ZNF532: variants seen among roughly 807,000 people sequenced by gnomAD.
ZNF532 encodes zinc finger protein 532.
In ZNF532, 22 loss-of-function variants were observed where a neutral mutation model predicts 89.3. The observed-to-expected ratio is 0.25, with a 90% CI of 0.18 to 0.35. The LOEUF (loss-of-function observed/expected upper bound fraction) is 0.35. Ranked by LOEUF, ZNF532 falls within the 10% of genes least tolerant of loss-of-function variation. ZNF532 has a pLI of 1.00. For missense variants in ZNF532, 1,132 were observed against 1,643.4 expected, an observed-to-expected ratio of 0.69 and a Z score of 5.38; for synonymous variants, 606 against 649.6, an observed-to-expected ratio of 0.93 and a Z score of 1.02.
At chr18:58,981,688 T>C in intron 9 of ZNF532, 71 bp downstream of exon 9, 3 of 1,580,784 alleles carry the variant, frequency 1.9e-6, no homozygotes, top group Non-Finnish European at 2.6e-6. Flanking sequence ...TTTTTTTCCT[T>C]TCAAGTTTTT....
chr18:58,880,763 C>CTGTGTGTGTGTGT lies in ZNF532; in HGVS notation c.-18+15184_-18+15185insTGTGTGTGTGTGT, dbSNP rs770638520. On this transcript the variant is annotated intron_variant, in intron 2 of 9. Transcript: ENST00000591808. The stretch of plus-strand genomic sequence containing the variant: ...GAGCCCTCTCATAGGCGCGCGCGCA[C>CTGTGTGTGTGTGT]GCGCGCGCGTCTGTGTGTGTGTGTG... 5.2e-3 allele frequency among the ~76,000 whole-genome samples: 621 copies of CTGTGTGTGTGTGT among 119,668 alleles called. 23 individuals carry two copies. Among genetic ancestry groups the CTGTGTGTGTGTGT allele is most frequent in the Middle Eastern group, 0.036 (9 of 252 alleles). The allele number at this position is 119,668 out of a possible 152,430, so 78.5% of individuals were successfully genotyped here. A position where few individuals can be genotyped will look rare whatever the true frequency, so the allele number is the denominator to read the frequency against.
At chr18:58,956,673 C>T (rs1374570062) in intron 7 of ZNF532, among the ~76,000 whole-genome samples, 1 of 152,170 alleles carries the variant, frequency 6.6e-6, no homozygotes, top group African/African-American at 2.4e-5. Context: ...CTGGGCTTGC[C>T]ACCTTATCAC....
At chr18:58,925,371 T>C (rs1005660130) in intron 3 of ZNF532, among the ~76,000 whole-genome samples, 3 of 152,236 alleles carry the variant, frequency 2.0e-5, no homozygotes, top group Admixed American at 6.5e-5. Flanking sequence ...GCTAATGATG[T>C]TGAACACCTT....
In ZNF532 at chr18:58,888,868, AATATATATT is replaced by A. The variant is rs1295093788; in HGVS notation, c.-18+23298_-18+23306del. On this transcript the variant is annotated intron_variant, in intron 2 of 9. Coordinates refer to ENST00000591808, the MANE Select transcript of ZNF532 (RefSeq NM_001375912.1). The stretch of plus-strand genomic sequence containing the variant: ...ATATATATATAATTTATATATATAT[AATATATATT>A]ATATATATATATTTTATATATATAT... Among the ~76,000 whole-genome samples, 2 of 42,238 alleles carry A rather than the reference AATATATATT, an allele frequency of 4.7e-5. 1 individual carries two copies. Among genetic ancestry groups the A allele is most frequent in the South Asian group, 1.4e-3 (2 of 1,474 alleles). The allele number at this position is 42,238 out of a possible 152,430, so 27.7% of individuals were successfully genotyped here. A position where few individuals can be genotyped will look rare whatever the true frequency, so the allele number is the denominator to read the frequency against.
At chr18:58,973,798 T>C (rs925269229) in intron 7 of ZNF532, among the ~76,000 whole-genome samples, 4 of 152,090 alleles carry the variant, frequency 2.6e-5, no homozygotes, top group African/African-American at 9.7e-5. Flanking sequence ...GGAACACTAG[T>C]CAGCAGAGAA....
In ZNF532 at chr18:58,903,054, C is replaced by A. The variant is rs553298819; in HGVS notation, c.-17-15217C>A. Among the ~76,000 whole-genome samples the A allele has an allele frequency of 2.0e-5, 3 of 152,224 alleles. No individual in the cohort carries two copies. The South Asian group carries it at 6.2e-4, about 32-fold the overall frequency. The stretch of plus-strand genomic sequence containing the variant: ...TAGAAAAAATAAAGGAAGAAAATAG[C>A]CTTTTAATGTCTGTGTGCTTGGCAC... On this transcript the variant is annotated intron_variant, in intron 2 of 9. Coordinates refer to ENST00000591808, the MANE Select transcript of ZNF532 (RefSeq NM_001375912.1).
chr18:58,877,017 A>C (rs1384948743), intron 2 of ZNF532, among the ~76,000 whole-genome samples: 1 of 152,110 alleles, frequency 6.6e-6, no homozygotes, highest in Non-Finnish European at 1.5e-5. Flanking sequence ...CTAGGATCAC[A>C]CTACTGCACT....
intron 7 of ZNF532, among the ~76,000 whole-genome samples, chr18:58,970,973 C>T (rs1361035673): frequency 6.6e-6 from 1 of 152,196 alleles, no homozygotes. Context: ...TCTGACATTG[C>T]CCTAAGCTCA....
rs149050559 is a variant in ZNF532, at chr18:58,982,281, G to C, written c.3411+664G>C. Among the ~76,000 whole-genome samples the C allele has an allele frequency of 3.4e-3, 522 of 152,220 alleles. 5 individuals carry two copies. Among genetic ancestry groups the C allele is most frequent in the African/African-American group, 0.012 (488 of 41,540 alleles). On this transcript the variant is annotated intron_variant, in intron 9 of 9. Transcript: ENST00000591808. ...ATAAAGCCATTGCACCCAAACCTGG[G>C]GGACAAGAGCAGGACTTTTTTTGTT... is the stretch of plus-strand genomic sequence containing the variant.
chr18:58,878,611 G>T (rs1412632840), intron 2 of ZNF532, among the ~76,000 whole-genome samples: 1 of 152,244 alleles, frequency 6.6e-6, no homozygotes, highest in Non-Finnish European at 1.5e-5. Flanking sequence ...GTGACTAAGG[G>T]CCCCCGTGGC....
At chr18:58,940,854 C>G (rs4940776) in intron 5 of ZNF532, among the ~76,000 whole-genome samples, 83,927 of 146,640 alleles carry the variant, frequency 0.57, 23,833 homozygotes, top group African/African-American at 0.68. Flanking sequence ...AAATCTGTTG[C>G]TGTGTTTTTG....
intron 4 of ZNF532, among the ~76,000 whole-genome samples, 160 bp downstream of exon 4, chr18:58,934,774 A>G (rs2062235452): frequency 1.3e-5 from 2 of 152,084 alleles, no homozygotes. Flanking sequence ...ATCTGTTTGA[A>G]TCCTCTTAAT....
chr18:58,869,964 C>T (rs2056836473), intron 2 of ZNF532, among the ~76,000 whole-genome samples: 1 of 150,986 alleles, frequency 6.6e-6, no homozygotes, highest in Non-Finnish European at 1.5e-5. Context: ...GATGGGGCTT[C>T]ACCATGTTGG....
rs772460348 is a variant in ZNF532 at position 58,941,865 on chromosome 18, TTTTC to T, written c.2705+2253_2705+2256del. ...CCTCACCTCCCTTCCTCTTTCTTTC[TTTTC>T]TTTCTTTCCATCTTTCTTCCTTCCT... On this transcript the variant is annotated intron_variant, in intron 5 of 9. Transcript: ENST00000591808. Among the ~76,000 whole-genome samples, 229 of 149,684 alleles carry T rather than the reference TTTTC, an allele frequency of 1.5e-3. 1 individual carries two copies. Among genetic ancestry groups the T allele is most frequent in the Middle Eastern group, 3.4e-3 (1 of 292 alleles).
intron 2 of ZNF532, among the ~76,000 whole-genome samples, chr18:58,908,025 G>C (rs1319737472): frequency 1.3e-5 from 2 of 152,222 alleles, no homozygotes; most frequent in Non-Finnish European, 1.5e-5. Context: ...TAAATGAAAA[G>C]GGTAGGAGTA....
intron 6 of ZNF532, among the ~76,000 whole-genome samples, chr18:58,951,039 T>A (rs976786737): frequency 6.0e-5 from 9 of 151,152 alleles, no homozygotes; most frequent in Non-Finnish European, 1.5e-5. Flanking sequence ...CAAGGCAGCC[T>A]CCATGTCCTG....
chr18:58,919,317 A>G lies in ZNF532; in HGVS notation c.1030A>G (p.Ser344Gly), dbSNP rs1243994920. Residue 344 changes from serine (S) to glycine (G), a missense_variant, in exon 3 of 10, where the codon AGC becomes GGC. Ser to Gly is a moderately conservative substitution (Grantham distance 56, BLOSUM62 0). Coordinates refer to ENST00000591808, the MANE Select transcript of ZNF532 (RefSeq NM_001375912.1). The surrounding 1 kb of genome is among the most constrained non-coding windows in gnomAD (Gnocchi z 6.1). ...SPRSISSENS[S>G]KGSPSSPAGS... is the part of the protein sequence containing the mutation. Reference sequence around the variant, plus strand: ...CAGAAGCATCTCAAGTGAGAACAGCAGCAAAGGATCCCCGTCCTCTCCCGC... The same window carrying G: ...CAGAAGCATCTCAAGTGAGAACAGCGGCAAAGGATCCCCGTCCTCTCCCGC... 1.2e-6 allele frequency: 2 copies of G among 1,614,216 alleles called. No homozygotes were observed. Among genetic ancestry groups the G allele is most frequent in the East Asian group, 2.2e-5 (1 of 44,890 alleles).
chr18:58,911,154 G>A (rs2060259070), intron 2 of ZNF532, among the ~76,000 whole-genome samples: 1 of 152,218 alleles, frequency 6.6e-6, no homozygotes, highest in Non-Finnish European at 1.5e-5. Context: ...CATGAAGGCT[G>A]CGTGGCAAGA....
In ZNF532 at chr18:58,951,647, T is replaced by TTTTTTTTTTGGGG. The variant is rs1555746492; in HGVS notation, c.2869-1862_2869-1861insGGGGTTTTTTTTT. On this transcript the variant is annotated intron_variant, in intron 6 of 9. Coordinates refer to ENST00000591808, the MANE Select transcript of ZNF532 (RefSeq NM_001375912.1). ...AATCACCTCAGCCCTCGCCCTGTTG[T>TTTTTTTTTTGGGG]TTTTTTTTTTTTTTTTTTTTGAGAT... Among the ~76,000 whole-genome samples the TTTTTTTTTTGGGG allele has an allele frequency of 7.9e-3, 220 of 27,730 alleles. 2 individuals are homozygous for TTTTTTTTTTGGGG. Among genetic ancestry groups the TTTTTTTTTTGGGG allele is most frequent in the Middle Eastern group, 0.026 (2 of 78 alleles). The allele number at this position is 27,730 out of a possible 152,430, so 18.2% of individuals were successfully genotyped here.
Sources: gnomAD v4.1 joint callset for allele counts (sites outside exome capture counted in the v4.1 genomes callset) on GRCh38, gnomAD v4.1.1 for gene constraint, Gnocchi (gnomAD v3.1) non-coding constraint, MANE v1.5 for transcripts, NCBI Gene and HGNC (gene_info 2026-07-23, HGNC 2026-07-21) for gene names.